The following ATP2B2 variants were observed in gnomAD, a reference collection of about 807,000 sequenced individuals.
ATP2B2 encodes ATPase plasma membrane Ca2+ transporting 2.
In ATP2B2, 15 loss-of-function variants were observed where a neutral mutation model predicts 120.0. That is an observed-to-expected ratio of 0.12 (90% CI 0.08 to 0.19). The LOEUF is 0.19. Ranked by LOEUF, ATP2B2 falls within the 10% of genes least tolerant of loss-of-function variation. The probability of loss-of-function intolerance (pLI) is 1.00; values close to 1 mark genes in which losing one functional copy is unlikely to be tolerated. For synonymous variants in ATP2B2, 694 were observed against 700.3 expected (o/e 0.99, Z 0.14); for missense variants, 1,045 against 1,719.8 (o/e 0.61, Z 6.94).
chr3:10,375,513 T>C lies in ATP2B2; in HGVS notation c.1333A>G (p.Ile445Val). 1.2e-6 allele frequency: 2 copies of C among 1,613,658 alleles called. No homozygotes were observed. The highest frequency in any genetic ancestry group is 1.7e-6 in the Non-Finnish European group (2 of 1,180,010). Residue 445 changes from isoleucine to valine, a missense_variant, in exon 11 of 23, where the codon ATC becomes GTC. Physicochemically the swap from Ile to Val is conservative, Grantham distance 29. Coordinates refer to ENST00000360273, the MANE Select transcript of ATP2B2 (RefSeq NM_001001331.4). The surrounding 1 kb of genome is among the most constrained non-coding windows in gnomAD (Gnocchi z 4.2). ...ACCACCAGCACCGTCACGCCAATGA[T>C]GAAGAACTTGACAAAGTACTGCACG... ...VYVQYFVKFFIIGVTVLVVAV... is the reference protein window; with the variant it reads ...VYVQYFVKFFVIGVTVLVVAV...
At chr3:10,377,055 T>C (rs770080413) in intron 10 of ATP2B2, among the ~76,000 whole-genome samples, 1 of 152,198 alleles carries the variant, frequency 6.6e-6, no homozygotes, top group Non-Finnish European at 1.5e-5. Flanking sequence ...AGAGATGGGC[T>C]GTGAACCCAG....
chr3:10,609,410 G>C (rs960312933), intron 2 of ATP2B2, among the ~76,000 whole-genome samples: 1 of 152,236 alleles, frequency 6.6e-6, no homozygotes, highest in Non-Finnish European at 1.5e-5. Context: ...TCCCGGCATC[G>C]ATCAGCCCTG....
chr3:10,397,475 A>T (rs867070829), intron 5 of ATP2B2, among the ~76,000 whole-genome samples: 1 of 152,222 alleles, frequency 6.6e-6, no homozygotes, highest in African/African-American at 2.4e-5. Context: ...GTCAAGCACA[A>T]AGTGGAGTGT....
chr3:10,339,648 C>T (rs1289536111), intron 21 of ATP2B2, among the ~76,000 whole-genome samples: 1 of 152,228 alleles, frequency 6.6e-6, no homozygotes, highest in African/African-American at 2.4e-5. Flanking sequence ...AGAGCTGGGG[C>T]AGGCACAGCA....
At position 10,547,959 on chromosome 3, in the gene ATP2B2, A is replaced by G. The variant is rs568535940; in HGVS notation, c.-414-13826T>C. On this transcript the variant is annotated intron_variant, in intron 2 of 21. Coordinates refer to the ATP2B2 transcript ENST00000646379. ...ACCCCTTTCCATGGCATTTGGGAGGAGCACTGGGCAAGGAGTCTGGGCACT... is the reference window on the plus strand; with the variant it reads ...ACCCCTTTCCATGGCATTTGGGAGGGGCACTGGGCAAGGAGTCTGGGCACT... 1.6e-4 allele frequency among the ~76,000 whole-genome samples: 25 copies of G among 152,280 alleles called. No individual in the cohort carries two copies. The Middle Eastern group carries it at 0.01, about 62-fold the overall frequency.
At chr3:10,610,299 T>C (rs1405957004) in intron 2 of ATP2B2, among the ~76,000 whole-genome samples, 1 of 151,524 alleles carries the variant, frequency 6.6e-6, no homozygotes, top group Non-Finnish European at 1.5e-5. Context: ...CCTAAATGGG[T>C]TGGAAGAAAG....
At chr3:10,683,760 G>A (rs56240621) in intron 1 of ATP2B2, among the ~76,000 whole-genome samples, 28 of 53,888 alleles carry the variant, frequency 5.2e-4, no homozygotes, top group South Asian at 2.8e-3. Flanking sequence ...GTGTGTGTGT[G>A]TATATATATA....
chr3:10,522,184 C>T (rs1559437651), intron 3 of ATP2B2, among the ~76,000 whole-genome samples: 1 of 152,206 alleles, frequency 6.6e-6, no homozygotes. Flanking sequence ...AGTGTCCACC[C>T]TCCAGCTCCT....
intron 22 of ATP2B2, chr3:10,336,299 A>G (rs919344098): frequency 1.3e-6 from 2 of 1,550,378 alleles, no homozygotes; most frequent in East Asian, 2.4e-5. Flanking sequence ...GACTACTTCA[A>G]TCTGCAACGG....
At chr3:10,366,095 C>T (rs2061048487) in intron 12 of ATP2B2, among the ~76,000 whole-genome samples, 1 of 152,172 alleles carries the variant, frequency 6.6e-6, no homozygotes, top group Admixed American at 6.5e-5. Flanking sequence ...CCAGTATCTT[C>T]CACACCTTCT....
chr3:10,602,964 G>A (rs1024339886), intron 2 of ATP2B2, among the ~76,000 whole-genome samples: 1 of 152,160 alleles, frequency 6.6e-6, no homozygotes, highest in African/African-American at 2.4e-5. Context: ...TAACTTCTCA[G>A]CACCCTCTCT....
intron 1 of ATP2B2, among the ~76,000 whole-genome samples, chr3:10,642,160 C>T (rs1191987027): frequency 6.6e-6 from 1 of 152,200 alleles, no homozygotes; most frequent in East Asian, 1.9e-4. Context: ...TTGTCACTTC[C>T]AGGTTGTATA....
At chr3:10,512,591 G>T (rs2066794539) in intron 3 of ATP2B2, among the ~76,000 whole-genome samples, 1 of 152,154 alleles carries the variant, frequency 6.6e-6, no homozygotes, top group African/African-American at 2.4e-5. Context: ...GAGACTTAGA[G>T]AGTGGAGCTA....
chr3:10,685,620 G>A (rs2071501121), intron 1 of ATP2B2, among the ~76,000 whole-genome samples: 2 of 152,202 alleles, frequency 1.3e-5, no homozygotes, highest in Admixed American at 1.3e-4. Flanking sequence ...ACTGTCCACT[G>A]GCCAAGCAAT....
chr3:10,329,704 T>C lies in ATP2B2; in HGVS notation c.3421-579A>G, dbSNP rs1295169460. Among the ~76,000 whole-genome samples the C allele has an allele frequency of 6.6e-6, 1 of 152,026 alleles. No individual in the cohort carries two copies. Among genetic ancestry groups the C allele is most frequent in the Non-Finnish European group, 1.5e-5 (1 of 68,002 alleles). ...ATGAGGGCCAAACAGAACGGGAACA[T>C]CAAACCAAAGGCAGCAAAGCAAACC... On this transcript the variant is annotated intron_variant, in intron 22 of 22. Coordinates refer to ENST00000360273, the MANE Select transcript of ATP2B2 (RefSeq NM_001001331.4). The surrounding 1 kb of genome is among the most constrained non-coding windows in gnomAD (Gnocchi z 5.9).
At chr3:10,447,136 G>T (rs949944644) in intron 2 of ATP2B2, among the ~76,000 whole-genome samples, 3 of 152,198 alleles carry the variant, frequency 2.0e-5, no homozygotes, top group African/African-American at 7.2e-5. Context: ...TGCAGCTTGG[G>T]CTACTCAGCT....
At chr3:10,606,716 T>C (rs1353342984) in intron 2 of ATP2B2, among the ~76,000 whole-genome samples, 1 of 152,092 alleles carries the variant, frequency 6.6e-6, no homozygotes, top group Non-Finnish European at 1.5e-5. Flanking sequence ...GGAGCACTAA[T>C]GTGTGTGTCT....
At chr3:10,338,098 G>T in intron 22 of ATP2B2, 78 bp downstream of exon 22, 2 of 1,587,240 alleles carry the variant, frequency 1.3e-6, no homozygotes, top group Non-Finnish European at 1.7e-6. Flanking sequence ...GCCCTGGGGG[G>T]CAGCACAAGC....
chr3:10,577,127 T>C (rs1245170636), intron 2 of ATP2B2, among the ~76,000 whole-genome samples: 2 of 151,468 alleles, frequency 1.3e-5, no homozygotes, highest in African/African-American at 2.4e-5. Context: ...ACCTAGGAAC[T>C]TGATGGAAGT....
Sources: gnomAD v4.1 joint callset for allele counts (sites outside exome capture counted in the v4.1 genomes callset) on GRCh38, gnomAD v4.1.1 for gene constraint, Gnocchi (gnomAD v3.1) non-coding constraint, MANE v1.5 for transcripts, NCBI Gene and HGNC (gene_info 2026-07-23, HGNC 2026-07-21) for gene names.